Variants in FBXO39 observed in about 807,000 individuals in gnomAD.
The protein encoded by FBXO39 is F-box protein 39, also known as F-box only protein 39.
FBXO39 carries 22 observed loss-of-function variants against 36.6 expected under a neutral mutation model. The observed-to-expected ratio is 0.60, with a 90% CI of 0.43 to 0.86. The LOEUF is 0.86. Among genes scored for constraint, FBXO39 ranks in the 40% least tolerant of loss-of-function variants. The pLI, the probability that FBXO39 is intolerant of heterozygous loss-of-function variation, is 0.00. For synonymous variants in FBXO39, 206 were observed against 205.8 expected, an observed-to-expected ratio of 1.00 and a Z score of -0.01; for missense variants, 536 against 543.9, an observed-to-expected ratio of 0.99 and a Z score of 0.14.
Position 6,780,207 on chromosome 17 carries a change from G to C in FBXO39, c.339G>C (p.Arg113=). 6.2e-7 allele frequency: 1 copy of C among 1,614,134 alleles called. No homozygotes were observed. The highest frequency in any genetic ancestry group is 8.5e-7 in the Non-Finnish European group (1 of 1,180,028). Residue 113 remains arginine, a synonymous_variant, in exon 2 of 4, where the codon CGG becomes CGC. Transcript: ENST00000321535. ...VLTKKFQVTM[R]GLLSCLSKSN... is the part of the protein sequence containing the mutation. The stretch of plus-strand genomic sequence containing the variant: ...CCAAGAAGTTCCAGGTCACCATGCG[G>C]GGCCTCCTGTCTTGTCTGAGTAAGA...
Position 6,778,437 on chromosome 17 carries a change from A to G in FBXO39, c.-80-1352A>G, listed in dbSNP as rs190362945. Among the ~76,000 whole-genome samples the G allele has an allele frequency of 2.9e-4, 44 of 152,314 alleles. No individual in the cohort carries two copies. In the South Asian group the frequency reaches 5.0e-3, roughly 17 times the overall value. On this transcript the variant is annotated intron_variant, in intron 1 of 3. Transcript: ENST00000321535. Reference sequence around the variant, plus strand: ...GGGACAGGAAAAAAAAGTACAGAAGAAAGAGTCAAAAAGCCCAAGTTCCAG... The same window carrying G: ...GGGACAGGAAAAAAAAGTACAGAAGGAAGAGTCAAAAAGCCCAAGTTCCAG...
At chr17:6,785,865 A>G (rs777591219) in intron 2 of FBXO39, among the ~76,000 whole-genome samples, 20 of 152,236 alleles carry the variant, frequency 1.3e-4, no homozygotes, top group Non-Finnish European at 2.1e-4. Flanking sequence ...AATGCTGGAA[A>G]GGATGTAGAG....
At chr17:6,781,930 A>C (rs530666453) in intron 2 of FBXO39, among the ~76,000 whole-genome samples, 3 of 152,326 alleles carry the variant, frequency 2.0e-5, no homozygotes, top group African/African-American at 7.2e-5. Context: ...TATACTTACT[A>C]TTACTTACTG....
chr17:6,780,220 T>C lies in FBXO39; in HGVS notation c.352T>C (p.Cys118Arg), dbSNP rs758859170. Residue 118 changes from cysteine to arginine, a missense_variant, in exon 2 of 4, where the codon TGT (cysteine) becomes CGT (arginine). Physicochemically the swap from Cys to Arg is radical, Grantham distance 180. Coordinates refer to ENST00000321535, the MANE Select transcript of FBXO39 (RefSeq NM_153230.3). ...GGTCACCATGCGGGGCCTCCTGTCT[T>C]GTCTGAGTAAGAGCAACAACCGTCT... Reference protein sequence around the residue: ...FQVTMRGLLSCLSKSNNRLKS... With the variant: ...FQVTMRGLLSRLSKSNNRLKS... The C allele has an allele frequency of 6.2e-7, 1 of 1,614,198 alleles. No individual in the cohort carries two copies.
rs1183594200 is a variant in FBXO39, at chr17:6,779,770, T to C, written c.-80-19T>C. ...TCTCTGTTTGACAGGTAATGGCTCTTCCTTTTTATTCCCCACAGAAAGCAA... is the reference window on the plus strand; with the variant it reads ...TCTCTGTTTGACAGGTAATGGCTCTCCCTTTTTATTCCCCACAGAAAGCAA... On this transcript the variant is annotated intron_variant, in intron 1 of 3. Transcript: ENST00000321535. 2 of 1,282,616 alleles carry C rather than the reference T, an allele frequency of 1.6e-6. No individual in the cohort carries two copies. Among genetic ancestry groups the C allele is most frequent in the Non-Finnish European group, 2.2e-6 (2 of 928,070 alleles). The allele number at this position is 1,282,616 out of a possible 1,614,324, so 79.5% of individuals were successfully genotyped here.
intron 2 of FBXO39, among the ~76,000 whole-genome samples, chr17:6,781,744 A>T (rs1434870516): frequency 6.6e-6 from 1 of 152,168 alleles, no homozygotes; most frequent in Non-Finnish European, 1.5e-5. Context: ...GGATGAGATC[A>T]CCATCATTCT....
intron 2 of FBXO39, among the ~76,000 whole-genome samples, chr17:6,784,332 C>A (rs1976541176): frequency 6.6e-6 from 1 of 152,026 alleles, no homozygotes; most frequent in Non-Finnish European, 1.5e-5. Context: ...AAACTGAAAG[C>A]CTTTTCTTTA....
At chr17:6,784,929 A>ATATATATATATATATGTGTGTGTG (rs1491434533) in intron 2 of FBXO39, among the ~76,000 whole-genome samples, 1 of 136,212 alleles carries the variant, frequency 7.3e-6, no homozygotes, top group African/African-American at 3.1e-5. Context: ...ATATATATAT[A>ATATATATATATATATGTGTGTGTG]TGTGTGTGTG....
chr17:6,781,834 C>A (rs1161728335), intron 2 of FBXO39, among the ~76,000 whole-genome samples: 5 of 152,134 alleles, frequency 3.3e-5, no homozygotes, highest in African/African-American at 9.7e-5. Context: ...CCAGACCTGT[C>A]CTACAAGAAA....
intron 3 of FBXO39, 57 bp from the exon 4 acceptor site, chr17:6,787,243 T>G: frequency 1.3e-6 from 2 of 1,574,850 alleles, no homozygotes; most frequent in Non-Finnish European, 1.7e-6. Context: ...TGTGTATGTG[T>G]GTGTGTGTGT....
chr17:6,780,240 C>T lies in FBXO39; in HGVS notation c.372C>T (p.Asn124=), dbSNP rs781471298. 1 of 1,613,996 alleles carries T rather than the reference C, an allele frequency of 6.2e-7. No homozygotes were observed. Among genetic ancestry groups the T allele is most frequent in the Non-Finnish European group, 8.5e-7 (1 of 1,179,986 alleles). ...TGTCTTGTCTGAGTAAGAGCAACAACCGTCTGAAATCTCTTTCCATCCAAT... is the reference window on the plus strand; with the variant it reads ...TGTCTTGTCTGAGTAAGAGCAACAATCGTCTGAAATCTCTTTCCATCCAAT... ...GLLSCLSKSN[N]RLKSLSIQYL... is the part of the protein sequence containing the mutation. Residue 124 remains asparagine, a synonymous_variant, in exon 2 of 4, where the codon AAC becomes AAT. Transcript: ENST00000321535.
chr17:6,784,848 C>T (rs1976547672), intron 2 of FBXO39, among the ~76,000 whole-genome samples: 1 of 151,806 alleles, frequency 6.6e-6, no homozygotes, highest in African/African-American at 2.4e-5. Flanking sequence ...AAGCCATCTA[C>T]AGATTCAGTG....
intron 1 of FBXO39, among the ~76,000 whole-genome samples, chr17:6,777,055 C>T (rs1297783163): frequency 6.6e-6 from 1 of 152,120 alleles, no homozygotes; most frequent in Non-Finnish European, 1.5e-5. Flanking sequence ...TGACCTACAA[C>T]CTTGCTAGGC....
At chr17:6,787,146 C>T (rs1042347760) in intron 3 of FBXO39, among the ~76,000 whole-genome samples, 154 bp from the exon 4 acceptor site, 4 of 152,080 alleles carry the variant, frequency 2.6e-5, no homozygotes, top group African/African-American at 7.2e-5. Flanking sequence ...TCTGATTCTG[C>T]CAACATATTT....
At chr17:6,784,953 G>GTGTGTGTATATATATATATATATATATA (rs1302291142) in intron 2 of FBXO39, among the ~76,000 whole-genome samples, 33 of 113,778 alleles carry the variant, frequency 2.9e-4, no homozygotes, top group African/African-American at 1.2e-3. Flanking sequence ...GTGTGTGTGT[G>GTGTGTGTATATATATATATATATATATA]TATATATATA....
chr17:6,779,827 C>A lies in FBXO39; in HGVS notation c.-42C>A. 2 of 1,567,924 alleles carry A rather than the reference C, an allele frequency of 1.3e-6. No individual in the cohort carries two copies. Among genetic ancestry groups the A allele is most frequent in the Non-Finnish European group, 1.7e-6 (2 of 1,155,484 alleles). ...GCTTTCCTTTCCTCATTTTTGGAAG[C>A]CCTGCCTAACACACAGCTGCACTGT... On this transcript the variant is annotated 5_prime_UTR_variant, in exon 2 of 4. Transcript: ENST00000321535.
intron 1 of FBXO39, among the ~76,000 whole-genome samples, chr17:6,778,817 T>G (rs1976465451): frequency 6.6e-6 from 1 of 152,212 alleles, no homozygotes; most frequent in South Asian, 2.1e-4. Context: ...ACTCTCTAGT[T>G]GGGTCAGAAA....
chr17:6,782,889 C>G (rs1177114771), intron 2 of FBXO39, among the ~76,000 whole-genome samples: 1 of 152,040 alleles, frequency 6.6e-6, no homozygotes, highest in African/African-American at 2.4e-5. Flanking sequence ...AACAAAGAAA[C>G]AGCAGACTTA....
At position 6,779,798 on chromosome 17, in the gene FBXO39, G is replaced by C. The variant is rs1976480427; in HGVS notation, c.-71G>C. 6.9e-7 allele frequency: 1 copy of C among 1,450,320 alleles called. No individual in the cohort carries two copies. 89.8% of individuals were successfully genotyped at this position (1,450,320 alleles called of 1,614,324 possible). On this transcript the variant is annotated 5_prime_UTR_variant, in exon 2 of 4. Transcript: ENST00000321535. ...TTTTTATTCCCCACAGAAAGCAAGT[G>C]ATTGCTTTCCTTTCCTCATTTTTGG...
Sources: gnomAD v4.1 joint callset for allele counts (sites outside exome capture counted in the v4.1 genomes callset) on GRCh38, gnomAD v4.1.1 for gene constraint, MANE v1.5 for transcripts, NCBI Gene and HGNC (gene_info 2026-07-23, HGNC 2026-07-21) for gene names.